The following FLNB variants were observed in gnomAD, a reference collection of about 807,000 sequenced individuals.
FLNB encodes the protein filamin B.
Under a neutral mutation model 250.6 loss-of-function variants are expected in FLNB, and 111 were observed. That is an observed-to-expected ratio of 0.44 (90% CI 0.38 to 0.52). The LOEUF (loss-of-function observed/expected upper bound fraction) is 0.52. FLNB is among the 20% of genes least tolerant of loss of function. The pLI is 0.00. For missense variants in FLNB, 2,869 were observed against 3,447.8 expected (o/e 0.83, Z 4.20); for synonymous variants, 1,302 against 1,372.1 (o/e 0.95, Z 1.13).
At chr3:58,117,934 G>T (rs1288568681) in intron 18 of FLNB, among the ~76,000 whole-genome samples, 3 of 152,164 alleles carry the variant, frequency 2.0e-5, no homozygotes, top group African/African-American at 7.2e-5. Flanking sequence ...AAGGCTGCTG[G>T]ATTCTTGGGG....
chr3:58,043,914 C>G (rs1244369441), intron 1 of FLNB, among the ~76,000 whole-genome samples: 2 of 152,178 alleles, frequency 1.3e-5, no homozygotes. Flanking sequence ...AATCCTGCAG[C>G]AGGGCCTCAG....
intron 3 of FLNB, among the ~76,000 whole-genome samples, chr3:58,080,432 T>TG (rs2097207507): frequency 6.6e-6 from 1 of 151,918 alleles, no homozygotes; most frequent in African/African-American, 2.4e-5. Flanking sequence ...GGAAGTCACC[T>TG]GTCCAGGATG....
At chr3:58,010,225 C>T (rs1194146600) in intron 1 of FLNB, among the ~76,000 whole-genome samples, 1 of 152,102 alleles carries the variant, frequency 6.6e-6, no homozygotes, top group Admixed American at 6.6e-5. Flanking sequence ...TGGGTCTCTT[C>T]CTGAGGAAAC....
chr3:58,109,833 A>G (rs2097265532), intron 15 of FLNB, 134 bp downstream of exon 15: 1 of 1,402,938 alleles, frequency 7.1e-7, no homozygotes, highest in Admixed American at 1.7e-5. Flanking sequence ...CCTCTGAGTC[A>G]TTCCTTAGTG....
intron 1 of FLNB, among the ~76,000 whole-genome samples, chr3:58,026,439 C>A (rs1469589174): frequency 6.6e-6 from 1 of 152,168 alleles, no homozygotes. Context: ...CCGCACTATC[C>A]AACTTGGTGT....
intron 1 of FLNB, among the ~76,000 whole-genome samples, chr3:58,023,476 T>C (rs752925856): frequency 1.3e-5 from 2 of 152,092 alleles, no homozygotes; most frequent in Non-Finnish European, 2.9e-5. Context: ...CACAGAAAAA[T>C]ATAAAGAAAA....
At chr3:58,106,923 T>C in intron 12 of FLNB, 50 bp downstream of exon 12, 1 of 1,529,026 alleles carries the variant, frequency 6.5e-7, no homozygotes, top group South Asian at 1.1e-5. Flanking sequence ...CCCTGGTTCC[T>C]CACCCCCATG....
chr3:58,037,263 C>G (rs2097139397), intron 1 of FLNB, among the ~76,000 whole-genome samples: 1 of 152,072 alleles, frequency 6.6e-6, no homozygotes, highest in Non-Finnish European at 1.5e-5. Context: ...CGGGGTTTCG[C>G]CATGTTGGCC....
chr3:58,146,118 A>C, intron 33 of FLNB, 69 bp downstream of exon 33: 1 of 1,579,752 alleles, frequency 6.3e-7, no homozygotes, highest in Non-Finnish European at 8.7e-7. Context: ...ACACGGTTCC[A>C]GGGTGGCTTT....
In FLNB at chr3:58,123,703, T is replaced by TAAAAAAAAA; in HGVS notation, c.3724+28_3724+36dup. 1 of 1,117,176 alleles carries TAAAAAAAAA rather than the reference T, an allele frequency of 9.0e-7. No homozygotes were observed. The highest frequency in any genetic ancestry group is 1.2e-6 in the Non-Finnish European group (1 of 816,962). The allele number at this position is 1,117,176 out of a possible 1,614,324, so 69.2% of individuals were successfully genotyped here. ...ATAGAAGGGAAAGGTGGGTTTCATT[T>TAAAAAAAAA]AAAAAAAAAAAAAAAAAAAAAAAGA... On this transcript the variant is annotated intron_variant, in intron 21 of 45. Transcript: ENST00000295956.
chr3:58,016,369 GGTA>G (rs1170144486), intron 1 of FLNB, among the ~76,000 whole-genome samples: 1 of 151,672 alleles, frequency 6.6e-6, no homozygotes. Context: ...TTTAGTGTAG[GGTA>G]GTAAACCCAG....
Position 58,125,751 on chromosome 3 carries a change from A to G in FLNB, c.4061+8A>G. ...CTTCACCGTGGTTACCAGGTAGGCA[A>G]GGCCCTACATTTGGTGTCTTGAGTC... On this transcript the variant is annotated splice_region_variant and intron_variant, in intron 23 of 45. Transcript: ENST00000295956. 1.2e-6 allele frequency: 2 copies of G among 1,613,982 alleles called. No individual in the cohort carries two copies. The highest frequency in any genetic ancestry group is 1.7e-6 in the Non-Finnish European group (2 of 1,179,898).
intron 1 of FLNB, among the ~76,000 whole-genome samples, chr3:58,044,443 A>ACAAT: frequency 6.6e-6 from 1 of 151,302 alleles, no homozygotes; most frequent in East Asian, 2.0e-4. Flanking sequence ...CAAAAAACAA[A>ACAAT]CAAACAAACA....
chr3:58,047,144 T>A (rs754263534), intron 1 of FLNB, among the ~76,000 whole-genome samples: 1 of 152,250 alleles, frequency 6.6e-6, no homozygotes, highest in Non-Finnish European at 1.5e-5. Flanking sequence ...GCTGCTTTTC[T>A]TAAATGTTTT....
chr3:58,045,472 TTG>T (rs893419691), intron 1 of FLNB, among the ~76,000 whole-genome samples: 9 of 151,672 alleles, frequency 5.9e-5, no homozygotes, highest in African/African-American at 2.0e-4. Context: ...CCTTTCGCAT[TTG>T]TTTTTTAAAG....
chr3:58,088,178 G>A (rs1218331803), intron 4 of FLNB, among the ~76,000 whole-genome samples: 1 of 151,116 alleles, frequency 6.6e-6, no homozygotes, highest in East Asian at 1.9e-4. Context: ...CTCCCGAGTA[G>A]CTGAGATTAT....
At chr3:58,055,330 T>C (rs1281565967) in intron 1 of FLNB, among the ~76,000 whole-genome samples, 1 of 151,818 alleles carries the variant, frequency 6.6e-6, no homozygotes, top group Non-Finnish European at 1.5e-5. Flanking sequence ...CTGTAGATGG[T>C]AGGGTACGGT....
chr3:58,160,237 A>G (rs2097359241), intron 42 of FLNB, among the ~76,000 whole-genome samples: 1 of 152,200 alleles, frequency 6.6e-6, no homozygotes, highest in African/African-American at 2.4e-5. Context: ...TTTACTCTAA[A>G]GGAAAAGTAG....
At chr3:58,027,958 T>C (rs543842997) in intron 1 of FLNB, among the ~76,000 whole-genome samples, 35 of 152,204 alleles carry the variant, frequency 2.3e-4, no homozygotes, top group Non-Finnish European at 4.4e-4. Context: ...TACTCTCTTT[T>C]GGTTAAAAAG....
Sources: allele counts gnomAD v4.1 joint callset (sites outside exome capture counted in the v4.1 genomes callset), GRCh38; gene constraint gnomAD v4.1.1; transcripts MANE v1.5; gene names NCBI Gene and HGNC (gene_info 2026-07-23, HGNC 2026-07-21).